The following CD58 variants were observed in gnomAD, a reference collection of about 807,000 sequenced individuals.
CD58 encodes CD58 molecule.
CD58 carries 14 observed loss-of-function variants against 27.6 expected under a neutral mutation model. That is an observed-to-expected ratio of 0.51 (90% CI 0.34 to 0.79). The LOEUF is 0.79. CD58 is among the 30% of genes least tolerant of loss of function. The pLI is 0.02. For synonymous variants in CD58, 117 were observed against 103.8 expected, an observed-to-expected ratio of 1.13 and a Z score of -0.77; for missense variants, 268 against 301.7, an observed-to-expected ratio of 0.89 and a Z score of 0.83.
intron 3 of CD58, chr1:116,533,402 T>A: frequency 1.2e-6 from 1 of 826,992 alleles, no homozygotes; most frequent in Non-Finnish European, 2.1e-6. Context: ...TATCTGGTTC[T>A]GATTTCATCT....
chr1:116,521,734 T>A lies in CD58; in HGVS notation c.706+172A>T, dbSNP rs1288091669. ...TCATTCTACCTTGAGATAATGTGGA[T>A]CTTTGGAGGAACCTAGCATGCTCAG... is the stretch of plus-strand genomic sequence containing the variant. On this transcript the variant is annotated intron_variant, in intron 4 of 5. Coordinates refer to ENST00000369489, the MANE Select transcript of CD58 (RefSeq NM_001779.3). This position sits in a 1 kb window ranked among gnomAD's most constrained non-coding sequence, Gnocchi z 5.6. The A allele has an allele frequency of 4.2e-5, 23 of 551,156 alleles. No individual in the cohort carries two copies. Among genetic ancestry groups the A allele is most frequent in the Non-Finnish European group, 1.3e-5 (4 of 298,420 alleles). 34.1% of individuals were successfully genotyped at this position (551,156 alleles called of 1,614,324 possible). A position where few individuals can be genotyped will look rare whatever the true frequency, so the allele number is the denominator to read the frequency against.
rs1444227337 is a variant in CD58 at position 116,517,945 on chromosome 1, TTTTA to T, written c.743+1282_743+1285del. ...CCTCTGTGACACTTGGTCCTGTCGC[TTTTA>T]TTTTTCTTGAAAAATAATAGTAACA... On this transcript the variant is annotated intron_variant, in intron 5 of 5. Transcript: ENST00000369489. The surrounding 1 kb of genome is among the most constrained non-coding windows in gnomAD (Gnocchi z 6.5). Among the ~76,000 whole-genome samples the T allele has an allele frequency of 3.3e-5, 5 of 152,206 alleles. No homozygotes were observed. Among genetic ancestry groups the T allele is most frequent in the Non-Finnish European group, 5.9e-5 (4 of 68,030 alleles).
At chr1:116,549,255 G>A (rs1360052482) in intron 1 of CD58, among the ~76,000 whole-genome samples, 1 of 152,204 alleles carries the variant, frequency 6.6e-6, no homozygotes, top group Non-Finnish European at 1.5e-5. Context: ...TTGCTGCTAA[G>A]TAAAAGCATC....
chr1:116,543,949 T>C (rs1041927144), intron 2 of CD58, among the ~76,000 whole-genome samples: 1 of 152,060 alleles, frequency 6.6e-6, no homozygotes, highest in Non-Finnish European at 1.5e-5. Flanking sequence ...TTAAATAAAA[T>C]GGTGCAGGAG....
chr1:116,553,654 G>A, intron 1 of CD58, among the ~76,000 whole-genome samples: 1 of 152,138 alleles, frequency 6.6e-6, no homozygotes. Flanking sequence ...CAGTGTGAGG[G>A]GTCTGTGAGA....
Position 116,516,918 on chromosome 1 carries a change from G to A in CD58, c.744-2096C>T, listed in dbSNP as rs1193880556. Among the ~76,000 whole-genome samples, 1 of 152,162 alleles carries A rather than the reference G, an allele frequency of 6.6e-6. No homozygotes were observed. The highest frequency in any genetic ancestry group is 2.4e-5 in the African/African-American group (1 of 41,434). On this transcript the variant is annotated intron_variant, in intron 5 of 5. Transcript: ENST00000369489. The surrounding 1 kb of genome is among the most constrained non-coding windows in gnomAD (Gnocchi z 6.1). ...ATGCTTTCTCTGAATCCCACACAAT[G>A]TCTAGCCTCGCTGGGTACTCTGACC...
chr1:116,570,853 G>T lies in CD58; in HGVS notation c.70+50C>A. 1 of 1,458,598 alleles carries T rather than the reference G, an allele frequency of 6.9e-7. No homozygotes were observed. The allele number at this position is 1,458,598 out of a possible 1,614,324, so 90.4% of individuals were successfully genotyped here. A position where few individuals can be genotyped will look rare whatever the true frequency, so the allele number is the denominator to read the frequency against. ...GGCGCGTCCACCCAGCCTGGGTGCT[G>T]CCCAGTACCCGCCGGCCGGCGCGGG... On this transcript the variant is annotated intron_variant, in intron 1 of 5. Coordinates refer to ENST00000369489, the MANE Select transcript of CD58 (RefSeq NM_001779.3). This position sits in a 1 kb window ranked among gnomAD's most constrained non-coding sequence, Gnocchi z 6.4.
At chr1:116,542,274 C>T (rs1308495884) in intron 2 of CD58, among the ~76,000 whole-genome samples, 2 of 152,086 alleles carry the variant, frequency 1.3e-5, no homozygotes, top group African/African-American at 4.8e-5. Flanking sequence ...GCGAAACCCC[C>T]TCTCAAGGAA....
At position 116,563,446 on chromosome 1, in the gene CD58, G is replaced by C. The variant is rs1452950707; in HGVS notation, c.70+7457C>G. 6.6e-6 allele frequency among the ~76,000 whole-genome samples: 1 copy of C among 152,086 alleles called. No individual in the cohort carries two copies. The highest frequency in any genetic ancestry group is 1.5e-5 in the Non-Finnish European group (1 of 68,014). On this transcript the variant is annotated intron_variant, in intron 1 of 5. Coordinates refer to ENST00000369489, the MANE Select transcript of CD58 (RefSeq NM_001779.3). The surrounding 1 kb of genome is among the most constrained non-coding windows in gnomAD (Gnocchi z 4.1). ...GGTGCCCCAGTGGGGACTCTGTGTG[G>C]GGGCTCCAACTCCACATTTCCCTTC...
At chr1:116,526,113 T>C (rs928314178) in intron 3 of CD58, among the ~76,000 whole-genome samples, 20 of 152,346 alleles carry the variant, frequency 1.3e-4, no homozygotes, top group South Asian at 8.3e-4. Context: ...ATCAGATGTG[T>C]CTTTTGCAAA....
intron 3 of CD58, chr1:116,533,258 A>G: frequency 2.0e-6 from 2 of 982,208 alleles, no homozygotes; most frequent in Non-Finnish European, 3.3e-6. Context: ...TAATTGTTCT[A>G]ACAGTGCCTG....
rs988027287 is a variant in CD58, at chr1:116,541,387, C to T, written c.364+2924G>A. Among the ~76,000 whole-genome samples, 7 of 152,330 alleles carry T rather than the reference C, an allele frequency of 4.6e-5. No individual in the cohort carries two copies. The highest frequency in any genetic ancestry group is 3.9e-4 in the Admixed American group (6 of 15,300). On this transcript the variant is annotated intron_variant, in intron 2 of 5. Coordinates refer to ENST00000369489, the MANE Select transcript of CD58 (RefSeq NM_001779.3). This position sits in a 1 kb window ranked among gnomAD's most constrained non-coding sequence, Gnocchi z 5.3. ...CTAAATAGAGTCCACAGGGGTCAGA[C>T]CTCACATAGCCTTGCAAGTCGCTTT...
In CD58 at chr1:116,517,079, CCCCCA is replaced by C. The variant is rs1422533611; in HGVS notation, c.743+2147_743+2151del. Among the ~76,000 whole-genome samples, 1 of 152,054 alleles carries C rather than the reference CCCCCA, an allele frequency of 6.6e-6. No individual in the cohort carries two copies. Among genetic ancestry groups the C allele is most frequent in the Non-Finnish European group, 1.5e-5 (1 of 68,012 alleles). On this transcript the variant is annotated intron_variant, in intron 5 of 5. Coordinates refer to ENST00000369489, the MANE Select transcript of CD58 (RefSeq NM_001779.3). This position sits in a 1 kb window ranked among gnomAD's most constrained non-coding sequence, Gnocchi z 6.5. Reference sequence around the variant, plus strand: ...CGTGGCCCTGGATGATGCCCCCCTACCCCCATCATTGGTAGTGATGGCTATGCCTC... The same window carrying C: ...CGTGGCCCTGGATGATGCCCCCCTACTCATTGGTAGTGATGGCTATGCCTC...
intron 5 of CD58, 152 bp from the exon 6 acceptor site, chr1:116,514,974 G>A: frequency 3.5e-6 from 2 of 576,066 alleles, no homozygotes; most frequent in Non-Finnish European, 6.3e-6. Context: ...GATGGAGGAA[G>A]AACTGCCTTG....
At chr1:116,553,381 C>T (rs1364092568) in intron 1 of CD58, among the ~76,000 whole-genome samples, 1 of 152,042 alleles carries the variant, frequency 6.6e-6, no homozygotes, top group Non-Finnish European at 1.5e-5. Context: ...AGAGATCCAT[C>T]AGACAGCAAT....
rs556343677 is a variant in CD58, at chr1:116,570,345, G to A, written c.70+558C>T. ...CACCACTTAGGAATCCCAACGTGAG[G>A]CCGCTGCCGACTGGGCTTCCTAGTT... On this transcript the variant is annotated intron_variant, in intron 1 of 5. Coordinates refer to ENST00000369489, the MANE Select transcript of CD58 (RefSeq NM_001779.3). This position sits in a 1 kb window ranked among gnomAD's most constrained non-coding sequence, Gnocchi z 6.4. 6.6e-6 allele frequency among the ~76,000 whole-genome samples: 1 copy of A among 152,326 alleles called. No homozygotes were observed. The highest frequency in any genetic ancestry group is 1.5e-5 in the Non-Finnish European group (1 of 68,020).
At chr1:116,564,153 G>A (rs1658856599) in intron 1 of CD58, among the ~76,000 whole-genome samples, 1 of 152,168 alleles carries the variant, frequency 6.6e-6, no homozygotes, top group East Asian at 1.9e-4. Flanking sequence ...CAAGTTCAAA[G>A]TTCCACGTAT....
chr1:116,557,921 C>T lies in CD58; in HGVS notation c.70+12982G>A, dbSNP rs1411572363. Among the ~76,000 whole-genome samples the T allele has an allele frequency of 1.3e-5, 2 of 152,080 alleles. No homozygotes were observed. Among genetic ancestry groups the T allele is most frequent in the Non-Finnish European group, 2.9e-5 (2 of 68,006 alleles). On this transcript the variant is annotated intron_variant, in intron 1 of 5. Transcript: ENST00000369489. This position sits in a 1 kb window ranked among gnomAD's most constrained non-coding sequence, Gnocchi z 5.2. The stretch of plus-strand genomic sequence containing the variant: ...ACTCGTGGGCTCAAGTGATCCTCCT[C>T]CCTGGGCCTTCTGAAGTGCTGAGAT...
rs138336347 is a variant in CD58 at position 116,561,267 on chromosome 1, C to T, written c.70+9636G>A. ...AAATTAAAACAAAAAAACATAGCAACGAATACAATGAGTGAAACTTGATTA... is the reference window on the plus strand; with the variant it reads ...AAATTAAAACAAAAAAACATAGCAATGAATACAATGAGTGAAACTTGATTA... On this transcript the variant is annotated intron_variant, in intron 1 of 5. Coordinates refer to ENST00000369489, the MANE Select transcript of CD58 (RefSeq NM_001779.3). Among the ~76,000 whole-genome samples, 459 of 152,184 alleles carry T rather than the reference C, an allele frequency of 3.0e-3. 3 individuals are homozygous for T. Among genetic ancestry groups the T allele is most frequent in the African/African-American group, 0.01 (426 of 41,534 alleles).
Sources: gnomAD v4.1 joint callset for allele counts (sites outside exome capture counted in the v4.1 genomes callset) on GRCh38, gnomAD v4.1.1 for gene constraint, Gnocchi (gnomAD v3.1) non-coding constraint, MANE v1.5 for transcripts, NCBI Gene and HGNC (gene_info 2026-07-23, HGNC 2026-07-21) for gene names.